Variants in IL23R observed in about 807,000 individuals in gnomAD.
IL23R encodes interleukin 23 receptor, also known as interleukin-23 receptor.
Under a neutral mutation model 56.9 loss-of-function variants are expected in IL23R, and 34 were observed. That is an observed-to-expected ratio of 0.60 (90% confidence interval 0.45 to 0.80). The LOEUF is 0.80. IL23R is among the 30% of genes least tolerant of loss of function. IL23R has a pLI of 0.00. For synonymous variants in IL23R, 230 were observed against 249.2 expected, an observed-to-expected ratio of 0.92 and a Z score of 0.73; for missense variants, 635 against 730.0, an observed-to-expected ratio of 0.87 and a Z score of 1.50.
At chr1:67,175,556 C>A (rs1367103235) in intron 3 of IL23R, among the ~76,000 whole-genome samples, 2 of 152,168 alleles carry the variant, frequency 1.3e-5, no homozygotes, top group East Asian at 3.9e-4. Flanking sequence ...TTGACTCTTC[C>A]AGATACCTTG....
At chr1:67,220,078 G>A (rs1357457877) in intron 7 of IL23R, among the ~76,000 whole-genome samples, 1 of 151,970 alleles carries the variant, frequency 6.6e-6, no homozygotes, top group African/African-American at 2.4e-5. Flanking sequence ...TTCCTAAAAA[G>A]TTTAAAACAG....
chr1:67,249,036 A>G (rs1003661034), intron 9 of IL23R, among the ~76,000 whole-genome samples: 1 of 152,110 alleles, frequency 6.6e-6, no homozygotes, highest in East Asian at 1.9e-4. Context: ...GGTACCTCAG[A>G]TGGAAATGCA....
At chr1:67,243,267 A>G (rs1651970882) in intron 9 of IL23R, among the ~76,000 whole-genome samples, 2 of 152,032 alleles carry the variant, frequency 1.3e-5, no homozygotes, top group South Asian at 2.1e-4. Context: ...TTCAAATTGT[A>G]TATCTAAACA....
At chr1:67,254,388 T>A (rs990778715) in intron 9 of IL23R, among the ~76,000 whole-genome samples, 11 of 143,278 alleles carry the variant, frequency 7.7e-5, no homozygotes, top group Admixed American at 4.9e-4. Flanking sequence ...TTAAATATAA[T>A]AAAACCAAAA....
intron 7 of IL23R, among the ~76,000 whole-genome samples, chr1:67,230,516 G>T (rs1651027127): frequency 6.7e-6 from 1 of 149,756 alleles, no homozygotes; most frequent in African/African-American, 2.4e-5. Flanking sequence ...AAATTTCCTG[G>T]GTGGCTACTG....
intron 9 of IL23R, among the ~76,000 whole-genome samples, chr1:67,255,473 T>TCTGTTGCCCA (rs1652889187): frequency 6.6e-6 from 1 of 152,090 alleles, no homozygotes; most frequent in Admixed American, 6.6e-5. Flanking sequence ...AGGGTCTCAC[T>TCTGTTGCCCA]CTGTTGCCCA....
chr1:67,175,515 C>G (rs1646996339), intron 3 of IL23R, among the ~76,000 whole-genome samples: 1 of 152,114 alleles, frequency 6.6e-6, no homozygotes, highest in African/African-American at 2.4e-5. Context: ...TCCTCCAAGC[C>G]CCAGCAACTG....
chr1:67,192,572 T>A (rs922528909), intron 4 of IL23R, among the ~76,000 whole-genome samples: 1 of 152,194 alleles, frequency 6.6e-6, no homozygotes. Flanking sequence ...GTTTCTAACC[T>A]GTCATTCAAG....
At chr1:67,262,832 A>G (rs1653234591), downstream of IL23R, among the ~76,000 whole-genome samples, 1 of 152,202 alleles carries the variant, frequency 6.6e-6, no homozygotes, top group African/African-American at 2.4e-5. Context: ...CTCTCAAGGT[A>G]TCAATCAGAG....
At chr1:67,209,765 T>C (rs1281851186) in intron 6 of IL23R, among the ~76,000 whole-genome samples, 1 of 152,244 alleles carries the variant, frequency 6.6e-6, no homozygotes, top group African/African-American at 2.4e-5. Flanking sequence ...CTGTGTTAAT[T>C]CACTTAGGAA....
intron 6 of IL23R, 128 bp from the exon 7 acceptor site, chr1:67,219,446 G>C (rs530250378): frequency 2.4e-6 from 2 of 820,998 alleles, no homozygotes; most frequent in East Asian, 5.2e-5. Flanking sequence ...TTTATATAAA[G>C]AACACTTTGT....
At chr1:67,201,169 C>T (rs142007179) in intron 5 of IL23R, among the ~76,000 whole-genome samples, 4 of 151,678 alleles carry the variant, frequency 2.6e-5, no homozygotes, top group Admixed American at 2.0e-4. Flanking sequence ...TTTGGGAGGT[C>T]GAGGTGGGCG....
chr1:67,145,857 C>G (rs1009072197), intron 1 of IL23R, among the ~76,000 whole-genome samples: 1 of 152,146 alleles, frequency 6.6e-6, no homozygotes, highest in Non-Finnish European at 1.5e-5. Context: ...TCTGGGGTAG[C>G]TCTGTGGTTG....
intron 1 of IL23R, among the ~76,000 whole-genome samples, chr1:67,160,767 T>C (rs1646811510): frequency 6.6e-6 from 1 of 152,098 alleles, no homozygotes; most frequent in Non-Finnish European, 1.5e-5. Flanking sequence ...CTGCAGCCTT[T>C]ATCTCTTGGG....
chr1:67,153,535 T>C (rs1238706776), intron 1 of IL23R, among the ~76,000 whole-genome samples: 1 of 152,120 alleles, frequency 6.6e-6, no homozygotes, highest in Non-Finnish European at 1.5e-5. Context: ...TTAATTGTGA[T>C]GTTAAGGTGA....
chr1:67,258,443 CT>C, intron 10 of IL23R, 34 bp from the exon 11 acceptor site: 1 of 1,545,252 alleles, frequency 6.5e-7, no homozygotes. Context: ...TTTTAAATGT[CT>C]TTTGCAAAAT....
At chr1:67,153,258 A>T (rs777212891) in intron 1 of IL23R, among the ~76,000 whole-genome samples, 37 of 152,038 alleles carry the variant, frequency 2.4e-4, no homozygotes, top group Non-Finnish European at 3.1e-4. Flanking sequence ...GTATTCCCTG[A>T]TGGTAGTTTG....
chr1:67,241,278 G>A (rs962467763), intron 9 of IL23R, among the ~76,000 whole-genome samples: 1 of 152,168 alleles, frequency 6.6e-6, no homozygotes. Flanking sequence ...TGGCAACAAG[G>A]ACTGAGTAGA....
downstream of IL23R, among the ~76,000 whole-genome samples, chr1:67,263,138 G>T (rs554558343): frequency 6.6e-5 from 8 of 120,974 alleles, no homozygotes; most frequent in Non-Finnish European, 3.4e-5. Context: ...TTTTTAACAG[G>T]TCACCCAGGC....
Sources: allele counts gnomAD v4.1 joint callset (sites outside exome capture counted in the v4.1 genomes callset), GRCh38; gene constraint gnomAD v4.1.1; transcripts MANE v1.5; gene names NCBI Gene and HGNC (gene_info 2026-07-23, HGNC 2026-07-21).